Variants in ACSL3 observed in about 807,000 individuals in gnomAD.
ACSL3 encodes acyl-CoA synthetase long chain family member 3.
A neutral mutation model predicts 84.7 loss-of-function variants in ACSL3; 34 were observed. The ratio of observed to expected loss-of-function variants is 0.40; its 90% CI spans 0.31 to 0.53. The LOEUF is 0.53. Ranked by LOEUF, ACSL3 falls within the 20% of genes least tolerant of loss-of-function variation. The pLI is 0.48. For missense variants in ACSL3, 680 were observed against 873.1 expected (o/e 0.78, Z 2.79); for synonymous variants, 315 against 299.4 (o/e 1.05, Z -0.54).
chr2:222,910,093 A>G (rs574610234), intron 4 of ACSL3, among the ~76,000 whole-genome samples: 1 of 152,356 alleles, frequency 6.6e-6, no homozygotes, highest in Admixed American at 6.5e-5. Context: ...TGTGGCACTT[A>G]ATGTAAATGC....
rs1696537966 is a variant in ACSL3, at chr2:222,914,992, T to C, written c.379-1327T>C. ...TGGCATCATTGCATGAGTTTACATA[T>C]TTAGATTATATATCAAACACCTTTT... On this transcript the variant is annotated intron_variant, in intron 4 of 16. Transcript: ENST00000357430. Among the ~76,000 whole-genome samples the C allele has an allele frequency of 2.0e-5, 3 of 152,258 alleles. No individual in the cohort carries two copies. The South Asian group carries it at 6.2e-4, about 31-fold the overall frequency.
At chr2:222,863,667 G>A (rs1320422045) in intron 1 of ACSL3, among the ~76,000 whole-genome samples, 1 of 152,088 alleles carries the variant, frequency 6.6e-6, no homozygotes, top group Non-Finnish European at 1.5e-5. Context: ...GCATCATAAT[G>A]ACTCAAAAGT....
rs1574536230 is a variant in ACSL3, at chr2:222,897,767, C to A, written c.-147-2907C>A. Among the ~76,000 whole-genome samples, 2 of 40,968 alleles carry A rather than the reference C, an allele frequency of 4.9e-5. 1 individual carries two copies. The highest frequency in any genetic ancestry group is 7.8e-5 in the Non-Finnish European group (2 of 25,780). The allele number at this position is 40,968 out of a possible 152,430, so 26.9% of individuals were successfully genotyped here. A position where few individuals can be genotyped will look rare whatever the true frequency, so the allele number is the denominator to read the frequency against. On this transcript the variant is annotated intron_variant, in intron 2 of 16. Coordinates refer to ENST00000357430, the MANE Select transcript of ACSL3 (RefSeq NM_004457.5). ...AAACCCCGTCTCCACCAAAAAAAAA[C>A]GAAAACCAGTCAGGCGTGGTGACGC...
intron 4 of ACSL3, among the ~76,000 whole-genome samples, chr2:222,913,795 A>G (rs1478677218): frequency 6.6e-6 from 1 of 152,134 alleles, no homozygotes; most frequent in Non-Finnish European, 1.5e-5. Flanking sequence ...TAGTTACATG[A>G]TTTTGAACAA....
At chr2:222,917,293 G>C (rs565385135) in intron 5 of ACSL3, 1 of 152,288 alleles carries the variant, frequency 6.6e-6, no homozygotes, top group South Asian at 2.1e-4. Context: ...GTTTCACCCT[G>C]TTGGCCAGGA....
intron 4 of ACSL3, among the ~76,000 whole-genome samples, chr2:222,911,525 T>A (rs1696439964): frequency 6.6e-6 from 1 of 152,246 alleles, no homozygotes; most frequent in African/African-American, 2.4e-5. Flanking sequence ...TGGATTCTCT[T>A]TTAGTCTAAG....
At chr2:222,882,843 C>A (rs1398569005) in intron 1 of ACSL3, among the ~76,000 whole-genome samples, 17 of 145,160 alleles carry the variant, frequency 1.2e-4, no homozygotes, top group Non-Finnish European at 2.4e-4. Context: ...TCTTGGCTTA[C>A]TGCAAGCTCT....
intron 12 of ACSL3, 43 bp downstream of exon 12, chr2:222,927,232 G>A (rs377712865): frequency 2.4e-5 from 38 of 1,591,030 alleles, no homozygotes; most frequent in Non-Finnish European, 3.1e-5. Context: ...GATGCCAGAC[G>A]TTTTTTTGGG....
chr2:222,896,203 C>A lies in ACSL3; in HGVS notation c.-147-4471C>A, dbSNP rs1172300142. Among the ~76,000 whole-genome samples the A allele has an allele frequency of 1.9e-4, 2 of 10,378 alleles. 1 individual carries two copies. Among genetic ancestry groups the A allele is most frequent in the Non-Finnish European group, 2.9e-4 (2 of 6,964 alleles). 6.8% of individuals were successfully genotyped at this position (10,378 alleles called of 152,430 possible). A position where few individuals can be genotyped will look rare whatever the true frequency, so the allele number is the denominator to read the frequency against. ...CGGACGGGGCGGCTGGCCGACCCCC[C>A]CCCCCGCCGCCTCCCTCCCGGACGG... On this transcript the variant is annotated intron_variant, in intron 2 of 16. Coordinates refer to ENST00000357430, the MANE Select transcript of ACSL3 (RefSeq NM_004457.5).
chr2:222,871,797 GT>G (rs893396752), intron 1 of ACSL3, among the ~76,000 whole-genome samples: 6 of 152,104 alleles, frequency 3.9e-5, no homozygotes, highest in African/African-American at 1.4e-4. Flanking sequence ...GGGTTGTGGG[GT>G]TACTAACAGC....
At chr2:222,940,781 T>C (rs1697284250) in intron 16 of ACSL3, among the ~76,000 whole-genome samples, 2 of 152,250 alleles carry the variant, frequency 1.3e-5, no homozygotes, top group African/African-American at 4.8e-5. Flanking sequence ...TAAGATATGC[T>C]ATGATGTTCC....
chr2:222,907,138 C>CTAGG (rs1401895684), intron 3 of ACSL3, among the ~76,000 whole-genome samples: 1 of 152,124 alleles, frequency 6.6e-6, no homozygotes, highest in Non-Finnish European at 1.5e-5. Flanking sequence ...CATCAATGTA[C>CTAGG]CCATCAGTCT....
chr2:222,941,057 A>G (rs1340778733), intron 16 of ACSL3, among the ~76,000 whole-genome samples: 1 of 152,098 alleles, frequency 6.6e-6, no homozygotes, highest in Non-Finnish European at 1.5e-5. Flanking sequence ...GTATGCCACT[A>G]TACCCAGCTT....
chr2:222,894,281 T>G (rs1415930323), intron 2 of ACSL3, among the ~76,000 whole-genome samples: 1 of 152,218 alleles, frequency 6.6e-6, no homozygotes, highest in East Asian at 1.9e-4. Flanking sequence ...AAGTCACCTG[T>G]GTTCTTCCTC....
chr2:222,866,654 T>G (rs1183793500), intron 1 of ACSL3, among the ~76,000 whole-genome samples: 1 of 138,996 alleles, frequency 7.2e-6, no homozygotes, highest in Non-Finnish European at 1.5e-5. Flanking sequence ...AAGGCATGAT[T>G]GTGTAGGGAA....
chr2:222,865,829 C>G (rs1695123273), intron 1 of ACSL3, among the ~76,000 whole-genome samples: 1 of 142,918 alleles, frequency 7.0e-6, no homozygotes, highest in African/African-American at 2.6e-5. Flanking sequence ...TGTGTGTACA[C>G]AGATGTGTAC....
At chr2:222,919,969 G>A (rs1192484156) in intron 7 of ACSL3, among the ~76,000 whole-genome samples, 2 of 152,156 alleles carry the variant, frequency 1.3e-5, no homozygotes, top group African/African-American at 4.8e-5. Context: ...AGGGGGTGAG[G>A]TCACCAACAG....
chr2:222,885,399 A>T (rs1041075564), intron 1 of ACSL3, among the ~76,000 whole-genome samples: 1 of 152,172 alleles, frequency 6.6e-6, no homozygotes, highest in Admixed American at 6.5e-5. Flanking sequence ...CATTAAAAAA[A>T]TTTTAATGTA....
At position 222,901,964 on chromosome 2, in the gene ACSL3, A is replaced by AAAAAAAAAAAAAAGAAAAATG; in HGVS notation, c.-41+1184_-41+1185insAAAAAAAAAAAAAGAAAAATG. Among the ~76,000 whole-genome samples, 2 of 99,456 alleles carry AAAAAAAAAAAAAAGAAAAATG rather than the reference A, an allele frequency of 2.0e-5. 1 individual carries two copies. Among genetic ancestry groups the AAAAAAAAAAAAAAGAAAAATG allele is most frequent in the Admixed American group, 2.8e-4 (2 of 7,204 alleles). 65.2% of individuals were successfully genotyped at this position (99,456 alleles called of 152,430 possible). On this transcript the variant is annotated intron_variant, in intron 3 of 16. Transcript: ENST00000357430. ...GTCTCAAAAAAAAAAAAAAAAAAAA[A>AAAAAAAAAAAAAAGAAAAATG]GAACTCAAATATTGTTGAGGTAGCA...
Sources: allele counts gnomAD v4.1 joint callset (sites outside exome capture counted in the v4.1 genomes callset), GRCh38; gene constraint gnomAD v4.1.1; transcripts MANE v1.5; gene names NCBI Gene and HGNC (gene_info 2026-07-23, HGNC 2026-07-21).